The following MRTFB variants were observed in gnomAD, a reference collection of about 807,000 sequenced individuals.
MRTFB encodes myocardin related transcription factor B.
Under a neutral mutation model 104.2 loss-of-function variants are expected in MRTFB, and 29 were observed. The observed-to-expected ratio is 0.28, with a 90% CI of 0.21 to 0.38. The LOEUF (loss-of-function observed/expected upper bound fraction) is 0.38, where lower values mean the gene tolerates loss of function less well. Among genes scored for constraint, MRTFB ranks in the 10% least tolerant of loss-of-function variants. The pLI, the probability that MRTFB is intolerant of heterozygous loss-of-function variation, is 1.00. For synonymous variants in MRTFB, 535 were observed against 519.5 expected, an observed-to-expected ratio of 1.03 and a Z score of -0.41; for missense variants, 1,270 against 1,341.6, an observed-to-expected ratio of 0.95 and a Z score of 0.83.
chr16:14,106,365 A>G (rs1331334808), intron 2 of MRTFB, among the ~76,000 whole-genome samples: 1 of 152,202 alleles, frequency 6.6e-6, no homozygotes, highest in Non-Finnish European at 1.5e-5. Context: ...CTGCATAGGT[A>G]AGGGCTGAGA....
intron 2 of MRTFB, among the ~76,000 whole-genome samples, chr16:14,095,846 A>T (rs2035330622): frequency 2.0e-5 from 3 of 152,186 alleles, no homozygotes; most frequent in Admixed American, 2.0e-4. Context: ...TTGCTTCTCT[A>T]TCAGAATAAG....
chr16:13,995,744 G>A, the MRTFB span, among the ~76,000 whole-genome samples: 1 of 152,150 alleles, frequency 6.6e-6, no homozygotes, highest in Non-Finnish European at 1.5e-5. Flanking sequence ...GGCTGGAGAA[G>A]GAGGAAGAGA....
chr16:14,056,331 C>A, the MRTFB span, among the ~76,000 whole-genome samples: 1 of 151,952 alleles, frequency 6.6e-6, no homozygotes, highest in African/African-American at 2.4e-5. Context: ...TTCCTCCTTT[C>A]CTTCCTTCCT....
chr16:14,203,694 C>T (rs2040815157), intron 3 of MRTFB, among the ~76,000 whole-genome samples: 1 of 150,098 alleles, frequency 6.7e-6, no homozygotes, highest in Non-Finnish European at 1.5e-5. Flanking sequence ...ATCCCAGCTA[C>T]TCAGGAAGCT....
chr16:14,029,037 G>T, the MRTFB span, among the ~76,000 whole-genome samples: 4 of 151,492 alleles, frequency 2.6e-5, no homozygotes. Context: ...GGTAACCAGA[G>T]GACAGGTGCA....
chr16:14,039,638 T>A, the MRTFB span, among the ~76,000 whole-genome samples: 1 of 152,120 alleles, frequency 6.6e-6, no homozygotes, highest in Admixed American at 6.6e-5. Context: ...AAATTATATT[T>A]GTACTACAAA....
chr16:14,265,253 C>A lies in MRTFB; in HGVS notation c.*3809C>A, dbSNP rs1002124043. The A allele has an allele frequency of 5.3e-5, 8 of 152,150 alleles. No homozygotes were observed. Among genetic ancestry groups the A allele is most frequent in the Non-Finnish European group, 1.2e-4 (8 of 68,030 alleles). 9.4% of individuals were successfully genotyped at this position (152,150 alleles called of 1,614,324 possible). A position where few individuals can be genotyped will look rare whatever the true frequency, so the allele number is the denominator to read the frequency against. ...TCAATTTAACCAAATTCACAAATAA[C>A]CCTCCATTTTTCAATATCTGCTACT... On this transcript the variant is annotated 3_prime_UTR_variant, in exon 17 of 17. Coordinates refer to ENST00000571589, the MANE Select transcript of MRTFB (RefSeq NM_001308142.2).
chr16:14,141,108 C>T, intron 3 of MRTFB: 1 of 200,886 alleles, frequency 5.0e-6, no homozygotes, highest in South Asian at 1.1e-4. Context: ...CTGCATTCTC[C>T]TCCCACTTTC....
the MRTFB span, among the ~76,000 whole-genome samples, chr16:14,063,875 G>A: frequency 1.3e-5 from 2 of 152,210 alleles, no homozygotes; most frequent in Non-Finnish European, 2.9e-5. Context: ...CCAGTATACT[G>A]TTGATGTGCA....
In MRTFB at chr16:14,213,587, C is replaced by T. The variant is rs1265347750; in HGVS notation, c.319C>T (p.Arg107Cys). Residue 107 changes from arginine to cysteine, a missense_variant, in exon 6 of 17, where the codon CGT becomes TGT. By Grantham distance (180) the Arg-to-Cys change is radical. Transcript: ENST00000571589. ...ACACAAGATTCGGAGTCGACCAGATCGTTCTGAACTTGTCAGGATGCACAT... is the reference window on the plus strand; with the variant it reads ...ACACAAGATTCGGAGTCGACCAGATTGTTCTGAACTTGTCAGGATGCACAT... ...LKHKIRSRPD[R>C]SELVRMHILE... 1 of 1,603,396 alleles carries T rather than the reference C, an allele frequency of 6.2e-7. No homozygotes were observed. The highest frequency in any genetic ancestry group is 8.5e-7 in the Non-Finnish European group (1 of 1,175,424).
the MRTFB span, among the ~76,000 whole-genome samples, chr16:14,041,421 G>A: frequency 2.6e-5 from 4 of 152,116 alleles, no homozygotes; most frequent in Non-Finnish European, 5.9e-5. Context: ...CCTCATATAA[G>A]TGGAATCATA....
intron 8 of MRTFB, among the ~76,000 whole-genome samples, chr16:14,231,651 G>C (rs958295196): frequency 3.3e-5 from 5 of 151,938 alleles, no homozygotes. Flanking sequence ...TTCTGTTCCT[G>C]CATTCGTTCA....
At chr16:14,036,824 ACGACC>A in the MRTFB span, among the ~76,000 whole-genome samples, 1 of 152,166 alleles carries the variant, frequency 6.6e-6, no homozygotes. Flanking sequence ...CATTACTACC[ACGACC>A]TGGCCCCCAG....
Position 14,252,422 on chromosome 16 carries a change from C to G in MRTFB, c.2623C>G (p.Pro875Ala). 6.2e-7 allele frequency: 1 copy of G among 1,613,802 alleles called. No homozygotes were observed. Among genetic ancestry groups the G allele is most frequent in the Non-Finnish European group, 8.5e-7 (1 of 1,179,978 alleles). ...FVVQHSLFGS[P>A]VAKTKDPPRY... ...CGTCCAGCACTCTCTATTTGGGAGT[C>G]CAGTCGCCAAGACAAAAGATCCCCC... Residue 875 changes from proline (P) to alanine (A), a missense_variant, in exon 15 of 17, where the codon CCA becomes GCA. Coordinates refer to ENST00000571589, the MANE Select transcript of MRTFB (RefSeq NM_001308142.2).
intron 16 of MRTFB, 46 bp downstream of exon 16, chr16:14,258,207 A>G (rs2043594640): frequency 6.5e-7 from 1 of 1,533,628 alleles, no homozygotes. Context: ...TCATCTCTTA[A>G]CCCAAGTTCA....
the MRTFB span, among the ~76,000 whole-genome samples, chr16:14,036,418 C>T: frequency 6.9e-6 from 1 of 144,004 alleles, no homozygotes; most frequent in South Asian, 2.2e-4. Flanking sequence ...AGAATCAGCC[C>T]CAGTTAGCCC....
the MRTFB span, among the ~76,000 whole-genome samples, chr16:13,996,274 C>CAAT: frequency 7.2e-6 from 1 of 139,128 alleles, no homozygotes; most frequent in African/African-American, 2.9e-5. Context: ...TCTGTCTCAA[C>CAAT]AACAACAACA....
chr16:14,010,086 A>G, the MRTFB span, among the ~76,000 whole-genome samples: 5 of 152,138 alleles, frequency 3.3e-5, no homozygotes, highest in Non-Finnish European at 7.3e-5. Context: ...GAGAAGGTAG[A>G]ACAGCAAATC....
intron 5 of MRTFB, among the ~76,000 whole-genome samples, chr16:14,212,997 A>G (rs1481298963): frequency 6.6e-6 from 1 of 152,242 alleles, no homozygotes; most frequent in Admixed American, 6.5e-5. Context: ...ATGCAACATG[A>G]AAATAAACAT....
Sources: gnomAD v4.1 joint callset for allele counts (sites outside exome capture counted in the v4.1 genomes callset) on GRCh38, gnomAD v4.1.1 for gene constraint, MANE v1.5 for transcripts, NCBI Gene and HGNC (gene_info 2026-07-23, HGNC 2026-07-21) for gene names.